CSRP3: variants seen among roughly 807,000 people sequenced by gnomAD.
CSRP3 encodes the protein cysteine and glycine-rich protein 3.
CSRP3 carries 24 observed loss-of-function variants against 24.3 expected under a neutral mutation model. That is an observed-to-expected ratio of 0.99 (90% CI 0.71 to 1.39). CSRP3 has a LOEUF of 1.39. Among genes scored for constraint, CSRP3 ranks in the 40% most tolerant of loss-of-function variants. The pLI is 0.00. For synonymous variants in CSRP3, 105 were observed against 94.0 expected, an observed-to-expected ratio of 1.12 and a Z score of -0.68; for missense variants, 240 against 249.0, an observed-to-expected ratio of 0.96 and a Z score of 0.24.
chr11:19,189,594 T>C (rs902716929), intron 2 of CSRP3, among the ~76,000 whole-genome samples: 1 of 152,236 alleles, frequency 6.6e-6, no homozygotes, highest in Non-Finnish European at 1.5e-5. Flanking sequence ...TCAAATGATA[T>C]TATCTTTTTT....
At chr11:19,193,320 G>A (rs1030309330) in intron 1 of CSRP3, among the ~76,000 whole-genome samples, 5 of 151,992 alleles carry the variant, frequency 3.3e-5, no homozygotes, top group East Asian at 1.9e-4. Context: ...AAAATCAAAC[G>A]ACATGATGTG....
chr11:19,197,552 T>TTTCTTTCC (rs1231086277), intron 1 of CSRP3, among the ~76,000 whole-genome samples: 8 of 140,758 alleles, frequency 5.7e-5, no homozygotes, highest in South Asian at 4.9e-4. Context: ...TCTTTCTTTC[T>TTTCTTTCC]TTCTTTCTTT....
At chr11:19,201,496 G>A (rs948528388) in intron 1 of CSRP3, among the ~76,000 whole-genome samples, 1 of 152,132 alleles carries the variant, frequency 6.6e-6, no homozygotes, top group African/African-American at 2.4e-5. Flanking sequence ...AAAAAATGTC[G>A]CCAATTTGTA....
intron 1 of CSRP3, among the ~76,000 whole-genome samples, chr11:19,198,378 G>A (rs1590109502): frequency 6.6e-6 from 1 of 152,188 alleles, no homozygotes; most frequent in Non-Finnish European, 1.5e-5. Flanking sequence ...GTCTCTCCAT[G>A]GGACACAGAG....
chr11:19,187,409 C>T (rs973968203), intron 3 of CSRP3, among the ~76,000 whole-genome samples: 10 of 152,170 alleles, frequency 6.6e-5, no homozygotes, highest in South Asian at 2.1e-4. Flanking sequence ...TCTGGCCAGT[C>T]GCAGTGCAGA....
At chr11:19,195,114 T>A (rs1565054222) in intron 1 of CSRP3, among the ~76,000 whole-genome samples, 1 of 151,664 alleles carries the variant, frequency 6.6e-6, no homozygotes, top group Non-Finnish European at 1.5e-5. Flanking sequence ...CACATTCAAA[T>A]GGGGGTTTGA....
At chr11:19,185,589 G>A (rs759550744) in intron 4 of CSRP3, among the ~76,000 whole-genome samples, 1 of 152,198 alleles carries the variant, frequency 6.6e-6, no homozygotes, top group South Asian at 2.1e-4. Flanking sequence ...CAAATGGCCA[G>A]TTTTAGGGTG....
At chr11:19,190,764 G>A (rs1850600643) in intron 2 of CSRP3, among the ~76,000 whole-genome samples, 1 of 152,090 alleles carries the variant, frequency 6.6e-6, no homozygotes, top group East Asian at 1.9e-4. Context: ...ATTATCTTGT[G>A]GTAATAATAT....
intron 4 of CSRP3, 64 bp downstream of exon 4, chr11:19,186,152 C>T (rs916638345): frequency 1.0e-4 from 164 of 1,611,050 alleles, no homozygotes; most frequent in Non-Finnish European, 1.3e-4. Flanking sequence ...ATTTTTCTCT[C>T]ATTCCTCCCA....
intron 1 of CSRP3, among the ~76,000 whole-genome samples, chr11:19,193,749 C>T (rs1490547230): frequency 1.3e-5 from 2 of 152,134 alleles, no homozygotes; most frequent in South Asian, 2.1e-4. Flanking sequence ...ACCCAGGAGG[C>T]GGAGGTTGCA....
intron 5 of CSRP3, among the ~76,000 whole-genome samples, chr11:19,184,356 C>T (rs1202048629): frequency 6.6e-6 from 1 of 152,200 alleles, no homozygotes; most frequent in Admixed American, 6.5e-5. Flanking sequence ...TCTACTATTT[C>T]TCCACAAGAC....
At position 19,184,950 on chromosome 11, in the gene CSRP3, A is replaced by G. The variant is rs754267141; in HGVS notation, c.508+2T>C. The G allele has an allele frequency of 1.9e-6, 3 of 1,605,338 alleles. No homozygotes were observed. The highest frequency in any genetic ancestry group is 2.6e-6 in the Non-Finnish European group (3 of 1,171,998). On this transcript the variant is annotated splice_donor_variant, in intron 5 of 5. Transcript: ENST00000265968. LOFTEE classifies it high-confidence loss of function. ...TTCAAGAAAGTCTCCAGAATCACTCACCTTTGCAATAAAGTTCCCCATCTT... is the reference window on the plus strand; with the variant it reads ...TTCAAGAAAGTCTCCAGAATCACTCGCCTTTGCAATAAAGTTCCCCATCTT...
chr11:19,198,221 G>A (rs1043564268), intron 1 of CSRP3, among the ~76,000 whole-genome samples: 1 of 152,208 alleles, frequency 6.6e-6, no homozygotes, highest in Non-Finnish European at 1.5e-5. Context: ...CACACAGCTA[G>A]TAATTGGAAG....
At chr11:19,196,011 G>A (rs928528173) in intron 1 of CSRP3, among the ~76,000 whole-genome samples, 8 of 152,192 alleles carry the variant, frequency 5.3e-5, no homozygotes, top group Non-Finnish European at 1.2e-4. Flanking sequence ...GCTCACGCCT[G>A]TAATCCCAGG....
intron 2 of CSRP3, among the ~76,000 whole-genome samples, chr11:19,190,843 A>C (rs1850601897): frequency 6.6e-6 from 1 of 152,156 alleles, no homozygotes; most frequent in South Asian, 2.1e-4. Context: ...TCAAATCCTC[A>C]TCCCATCAAA....
rs1850450298 is a variant in CSRP3, at chr11:19,182,387, AAG to A, written c.*281_*282del. 1 of 407,900 alleles carries A rather than the reference AAG, an allele frequency of 2.5e-6. No individual in the cohort carries two copies. The highest frequency in any genetic ancestry group is 3.7e-5 in the Admixed American group (1 of 26,808). 25.3% of individuals were successfully genotyped at this position (407,900 alleles called of 1,614,324 possible). A position where few individuals can be genotyped will look rare whatever the true frequency, so the allele number is the denominator to read the frequency against. ...TATGTTTTTGAAAATTTCTATCTCA[AAG>A]AAAAGATCTAGAGCCATACAAGATA... is the stretch of plus-strand genomic sequence containing the variant. On this transcript the variant is annotated 3_prime_UTR_variant, in exon 6 of 6. Coordinates refer to ENST00000265968, the MANE Select transcript of CSRP3 (RefSeq NM_003476.5).
At chr11:19,192,855 C>T (rs1850638973) in intron 1 of CSRP3, among the ~76,000 whole-genome samples, 1 of 151,852 alleles carries the variant, frequency 6.6e-6, no homozygotes, top group Admixed American at 6.6e-5. Flanking sequence ...TGGGAATCAT[C>T]TGTGAAGATG....
At chr11:19,186,592 G>A (rs75907227) in intron 3 of CSRP3, among the ~76,000 whole-genome samples, 1 of 152,318 alleles carries the variant, frequency 6.6e-6, no homozygotes, top group Admixed American at 6.5e-5. Context: ...TGCTAAAATG[G>A]GTTTAGAGCT....
intron 2 of CSRP3, 70 bp from the exon 3 acceptor site, chr11:19,188,374 C>T: frequency 6.4e-7 from 1 of 1,555,852 alleles, no homozygotes; most frequent in Non-Finnish European, 8.8e-7. Flanking sequence ...CTCCCAATGC[C>T]ATGCTCGGGG....
Sources: gnomAD v4.1 joint callset for allele counts (sites outside exome capture counted in the v4.1 genomes callset) on GRCh38, gnomAD v4.1.1 for gene constraint, MANE v1.5 for transcripts, NCBI Gene and HGNC (gene_info 2026-07-23, HGNC 2026-07-21) for gene names.